The following TAF6L variants were observed in gnomAD, a reference collection of about 807,000 sequenced individuals.
TAF6L encodes the protein TATA-box binding protein associated factor 6 like.
TAF6L carries 34 observed loss-of-function variants against 57.3 expected under a neutral mutation model. The ratio of observed to expected loss-of-function variants is 0.59; its 90% CI spans 0.45 to 0.79. The LOEUF is 0.79. TAF6L is among the 30% of genes least tolerant of loss of function. TAF6L has a pLI of 0.00. For missense variants in TAF6L, 782 were observed against 853.2 expected, an observed-to-expected ratio of 0.92 and a Z score of 1.04; for synonymous variants, 417 against 376.3, an observed-to-expected ratio of 1.11 and a Z score of -1.25.
rs1328350996 is a variant in TAF6L, at chr11:62,786,652, G to A, written c.1225G>A (p.Gly409Ser). Residue 409 changes from glycine (G) to serine (S), a missense_variant, in exon 11 of 11, where the codon GGC becomes AGC. By Grantham distance (56) the Gly-to-Ser change is moderately conservative. Around this residue, in one of 3 missense-constraint regions of TAF6L, gnomAD observed 483 missense variants for 445.1 expected, o/e 1.09. Coordinates refer to ENST00000294168, the MANE Select transcript of TAF6L (RefSeq NM_006473.4). ...TCTCTTTCAAGAGTCGTCCTCCGGG[G>A]GCGGTGCAGAACCCAGCTTTGGGTC... ...SLLFQESSSG[G>S]GAEPSFGSGL... The A allele has an allele frequency of 1.2e-6, 2 of 1,605,370 alleles. No individual in the cohort carries two copies. Among genetic ancestry groups the A allele is most frequent in the Non-Finnish European group, 1.7e-6 (2 of 1,176,312 alleles).
chr11:62,782,859 G>C, intron 9 of TAF6L, 34 bp downstream of exon 9: 1 of 1,608,488 alleles, frequency 6.2e-7, no homozygotes, highest in Non-Finnish European at 8.5e-7. Flanking sequence ...ACAGCCGTAA[G>C]AACTCCCATT....
At chr11:62,786,478 C>T in intron 10 of TAF6L, 39 bp from the exon 11 acceptor site, 2 of 1,581,220 alleles carry the variant, frequency 1.3e-6, no homozygotes, top group Non-Finnish European at 1.7e-6. Flanking sequence ...GCCCAGGTTC[C>T]TCGAATTTTT....
intron 8 of TAF6L, 77 bp downstream of exon 8, chr11:62,782,410 C>G (rs1010276074): frequency 1.0e-5 from 15 of 1,486,860 alleles, no homozygotes; most frequent in Non-Finnish European, 1.4e-5. Context: ...GGGGCGAAGC[C>G]TCTGGCTTTG....
chr11:62,781,700 C>A, intron 6 of TAF6L, 194 bp from the exon 7 acceptor site: 9 of 498,866 alleles, frequency 1.8e-5, no homozygotes, highest in East Asian at 3.9e-5. Flanking sequence ...AGGTTGTATT[C>A]AGGGCCATAT....
chr11:62,783,354 C>T (rs1214611045), intron 9 of TAF6L, among the ~76,000 whole-genome samples: 1 of 151,796 alleles, frequency 6.6e-6, no homozygotes, highest in Non-Finnish European at 1.5e-5. Context: ...TGGTGGCGGG[C>T]GCCTGTAGTC....
At chr11:62,783,494 AAGTT>A in intron 9 of TAF6L, among the ~76,000 whole-genome samples, 1 of 151,726 alleles carries the variant, frequency 6.6e-6, no homozygotes, top group Non-Finnish European at 1.5e-5. Context: ...AAAAAAAAAA[AAGTT>A]AGGTGTTGCC....
chr11:62,778,012 C>A lies in TAF6L; in HGVS notation c.269C>A (p.Pro90His). 1 of 1,614,168 alleles carries A rather than the reference C, an allele frequency of 6.2e-7. No homozygotes were observed. The highest frequency in any genetic ancestry group is 1.7e-5 in the Admixed American group (1 of 60,022). The change falls in exon 4 of 11, where the codon CCC becomes CAC. Residue 90 changes from proline (P) to histidine (H), a missense_variant. By Grantham distance (77) the Pro-to-His change is moderately conservative. Coordinates refer to ENST00000294168, the MANE Select transcript of TAF6L (RefSeq NM_006473.4). ...VCGYGSQEAL[P>H]MRPAREGELY... Reference sequence around the variant, plus strand: ...GGTTACGGATCACAGGAGGCACTGCCCATGCGCCCCGCCAGGGAGGGTGAA... The same window carrying A: ...GGTTACGGATCACAGGAGGCACTGCACATGCGCCCCGCCAGGGAGGGTGAA...
chr11:62,776,649 A>G lies in TAF6L; in HGVS notation c.234+179A>G, dbSNP rs1020354943. 2.0e-5 allele frequency among the ~76,000 whole-genome samples: 3 copies of G among 152,054 alleles called. No individual in the cohort carries two copies. The East Asian group carries it at 5.8e-4, about 29-fold the overall frequency. On this transcript the variant is annotated intron_variant, in intron 3 of 10. Transcript: ENST00000294168. ...GCGGATCACTTGAGGCCAGGACTTC[A>G]AGACCAGCCTGGCCAACATGGCGAA...
rs1356283350 is a variant in TAF6L, at chr11:62,786,675, G to A, written c.1248G>A (p.Gly416=). The A allele has an allele frequency of 6.2e-7, 1 of 1,612,008 alleles. No homozygotes were observed. The highest frequency in any genetic ancestry group is 1.7e-5 in the Admixed American group (1 of 59,732). The change falls in exon 11 of 11, where the codon GGG becomes GGA. Residue 416 remains glycine, a synonymous_variant. Transcript: ENST00000294168. ...GGGGCGGTGCAGAACCCAGCTTTGG[G>A]TCCGGCCTCCCGCTGCCGCCAGGGG... ...SSGGGAEPSF[G]SGLPLPPGGA...
At position 62,786,857 on chromosome 11, in the gene TAF6L, C is replaced by T. The variant is rs747660417; in HGVS notation, c.1430C>T (p.Ala477Val). 3 of 1,592,924 alleles carry T rather than the reference C, an allele frequency of 1.9e-6. No homozygotes were observed. The highest frequency in any genetic ancestry group is 2.6e-6 in the Non-Finnish European group (3 of 1,176,386). The part of the protein sequence containing the change: ...RPPGDKKEPA[A>V]APDSVRKMPQ... ...CCCGGGGACAAGAAGGAGCCGGCGG[C>T]AGCCCCGGACTCGGTGCGGAAGATG... is the stretch of plus-strand genomic sequence containing the variant. Residue 477 changes from alanine to valine, a missense_variant, in exon 11 of 11, where the codon GCA becomes GTA. Ala to Val is a moderately conservative substitution (Grantham distance 64). Coordinates refer to ENST00000294168, the MANE Select transcript of TAF6L (RefSeq NM_006473.4).
intron 9 of TAF6L, among the ~76,000 whole-genome samples, chr11:62,783,284 C>T (rs1189475514): frequency 3.3e-5 from 5 of 152,072 alleles, no homozygotes; most frequent in Non-Finnish European, 5.9e-5. Flanking sequence ...AGATCGAAAC[C>T]ATCCTGGCTA....
At chr11:62,783,364 C>T (rs981708075) in intron 9 of TAF6L, among the ~76,000 whole-genome samples, 3 of 151,892 alleles carry the variant, frequency 2.0e-5, no homozygotes, top group Admixed American at 6.6e-5. Flanking sequence ...CGCCTGTAGT[C>T]CCAGCTACTC....
chr11:62,778,172 C>G, intron 4 of TAF6L, 44 bp downstream of exon 4: 2 of 1,613,600 alleles, frequency 1.2e-6, no homozygotes, highest in Non-Finnish European at 8.5e-7. Flanking sequence ...GGAGTTGGGC[C>G]GTGAAGAGAA....
intron 9 of TAF6L, among the ~76,000 whole-genome samples, chr11:62,784,400 G>T (rs11231217): frequency 0.072 from 10,910 of 151,252 alleles, 424 homozygotes; most frequent in East Asian, 0.14. Flanking sequence ...CGCCTCCCGG[G>T]TTCACGCCAT....
chr11:62,782,008 G>A, intron 7 of TAF6L, 40 bp downstream of exon 7: 1 of 1,610,558 alleles, frequency 6.2e-7, no homozygotes, highest in Non-Finnish European at 8.5e-7. Flanking sequence ...GTTTTATAAG[G>A]AAGAGATGAC....
In TAF6L at chr11:62,786,623, G is replaced by C. The variant is rs371013825; in HGVS notation, c.1196G>C (p.Ser399Thr). Residue 399 changes from serine (S) to threonine (T), a missense_variant, in exon 11 of 11, where the codon AGC (serine) becomes ACC (threonine). Ser to Thr is a moderately conservative substitution (Grantham distance 58, BLOSUM62 1). This residue lies in a region of TAF6L where 483 missense variants were observed against 445.1 expected (regional missense o/e 1.09). Coordinates refer to ENST00000294168, the MANE Select transcript of TAF6L (RefSeq NM_006473.4). The part of the protein sequence containing the change: ...CRRLDDLPWD[S>T]LLFQESSSGG... ...CGCCTGGACGACCTGCCATGGGACA[G>C]CCTTCTCTTTCAAGAGTCGTCCTCC... 2.1e-5 allele frequency: 34 copies of C among 1,601,004 alleles called. No homozygotes were observed. In the African/African-American group the frequency reaches 3.2e-4, roughly 15 times the overall value.
At chr11:62,781,002 G>A (rs1227262269) in intron 6 of TAF6L, among the ~76,000 whole-genome samples, 4 of 150,280 alleles carry the variant, frequency 2.7e-5, no homozygotes, top group Non-Finnish European at 5.9e-5. Flanking sequence ...TTGGGAGGCC[G>A]AGGCGGGTGG....
At chr11:62,775,953 T>C (rs372834677) in intron 2 of TAF6L, 23 bp downstream of exon 2, 17 of 1,580,726 alleles carry the variant, frequency 1.1e-5, no homozygotes, top group Admixed American at 1.8e-5. Context: ...CACCCCCTGA[T>C]ACCTCCAACT....
chr11:62,782,513 C>T (rs923090079), intron 8 of TAF6L, 180 bp downstream of exon 8: 15 of 1,057,482 alleles, frequency 1.4e-5, no homozygotes, highest in Admixed American at 1.3e-4. Flanking sequence ...ATTACAAATA[C>T]GCCAAGGTAT....
Sources: allele counts gnomAD v4.1 joint callset (sites outside exome capture counted in the v4.1 genomes callset), GRCh38; gene constraint gnomAD v4.1.1; regional missense constraint gnomAD v4.1.1; transcripts MANE v1.5; gene names NCBI Gene and HGNC (gene_info 2026-07-23, HGNC 2026-07-21).